PHF24: variants seen among roughly 807,000 people sequenced by gnomAD.
The protein encoded by PHF24 is PHD finger protein 24.
Under a neutral mutation model 42.6 loss-of-function variants are expected in PHF24, and 25 were observed. That is an observed-to-expected ratio of 0.59 (90% CI 0.43 to 0.82). The LOEUF (loss-of-function observed/expected upper bound fraction) is 0.82, where lower values mean the gene tolerates loss of function less well. Among genes scored for constraint, PHF24 ranks in the 40% least tolerant of loss-of-function variants. The pLI is 0.00. For synonymous variants in PHF24, 185 were observed against 204.8 expected, an observed-to-expected ratio of 0.90 and a Z score of 0.83; for missense variants, 470 against 538.1, an observed-to-expected ratio of 0.87 and a Z score of 1.25.
the PHF24 span, among the ~76,000 whole-genome samples, chr9:34,840,036 A>G: frequency 1.3e-5 from 2 of 152,216 alleles, no homozygotes; most frequent in Admixed American, 6.5e-5. Flanking sequence ...TAAAAAATGC[A>G]GTCTATCTTT....
chr9:34,810,148 C>T, the PHF24 span, among the ~76,000 whole-genome samples: 10 of 152,102 alleles, frequency 6.6e-5, no homozygotes, highest in South Asian at 2.1e-3. Flanking sequence ...CCGCCGGCCC[C>T]GGACGGCCCC....
At chr9:34,829,312 G>A in the PHF24 span, among the ~76,000 whole-genome samples, 34 of 152,106 alleles carry the variant, frequency 2.2e-4, no homozygotes, top group Non-Finnish European at 4.7e-4. Flanking sequence ...GCAGGGAATC[G>A]AGAGTTCATT....
chr9:34,936,259 C>T, the PHF24 span, among the ~76,000 whole-genome samples: 6 of 152,156 alleles, frequency 3.9e-5, no homozygotes, highest in Non-Finnish European at 5.9e-5. Context: ...TTGGTGGAGA[C>T]GGGGTTTCGC....
the PHF24 span, among the ~76,000 whole-genome samples, chr9:34,783,909 G>A: frequency 5.3e-5 from 8 of 152,088 alleles, no homozygotes; most frequent in Non-Finnish European, 1.0e-4. Flanking sequence ...TAATTTTTAG[G>A]TATCATTAAA....
the PHF24 span, chr9:34,709,324 C>T: frequency 6.3e-5 from 99 of 1,572,270 alleles, no homozygotes; most frequent in Admixed American, 1.9e-5. Flanking sequence ...CTCCTTCTTG[C>T]ATCTTGGGTT....
the PHF24 span, chr9:34,922,661 TCA>T: frequency 8.4e-6 from 10 of 1,194,882 alleles, no homozygotes. Context: ...TAGCTAGGTC[TCA>T]GTTTTCTCTC....
intron 1 of PHF24, among the ~76,000 whole-genome samples, chr9:34,967,412 A>T (rs557927911): frequency 2.0e-5 from 3 of 152,342 alleles, no homozygotes; most frequent in African/African-American, 7.2e-5. Context: ...CTTCAGTTGC[A>T]GATCTATAAA....
the PHF24 span, among the ~76,000 whole-genome samples, chr9:34,865,159 A>AAT: frequency 1.8e-4 from 27 of 150,392 alleles, no homozygotes; most frequent in African/African-American, 6.6e-4. Flanking sequence ...AAAAAAAAAA[A>AAT]GCAGAGGGAC....
rs764646246 is a variant in PHF24 at position 34,971,601 on chromosome 9, C to T, written c.303C>T (p.Pro101=). 3 of 1,613,940 alleles carry T rather than the reference C, an allele frequency of 1.9e-6. No individual in the cohort carries two copies. The African/African-American group carries it at 4.0e-5, about 22-fold the overall frequency. ...TTGACAGGACAAGTCGATTCACACC[C>T]CCTGCGTTCATCCGCCCCACCCGGA... The change falls in exon 2 of 8, where the codon CCC becomes CCT. Residue 101 remains proline, a synonymous_variant. Transcript: ENST00000242315.
At chr9:34,682,136 G>A in the PHF24 span, among the ~76,000 whole-genome samples, 2 of 150,874 alleles carry the variant, frequency 1.3e-5, no homozygotes, top group African/African-American at 2.4e-5. Context: ...CACCACACCC[G>A]GCTAATTATT....
At chr9:34,964,365 G>A (rs1301671731) in intron 1 of PHF24, among the ~76,000 whole-genome samples, 1 of 152,156 alleles carries the variant, frequency 6.6e-6, no homozygotes, top group Non-Finnish European at 1.5e-5. Context: ...GTAACATAGT[G>A]AGACCCTAGA....
the PHF24 span, among the ~76,000 whole-genome samples, chr9:34,890,789 A>T: frequency 6.6e-6 from 1 of 152,294 alleles, no homozygotes; most frequent in South Asian, 2.1e-4. Context: ...GTAGAAATTT[A>T]GTTTGGCCAA....
At chr9:34,921,461 A>T in the PHF24 span, among the ~76,000 whole-genome samples, 7 of 152,230 alleles carry the variant, frequency 4.6e-5, no homozygotes, top group Non-Finnish European at 1.0e-4. Context: ...ATACCAAGCA[A>T]TTCATTTTCC....
At chr9:34,709,933 T>C in the PHF24 span, 1 of 1,614,126 alleles carries the variant, frequency 6.2e-7, no homozygotes, top group Non-Finnish European at 8.5e-7. Flanking sequence ...CAGGGGCTGC[T>C]GGCAAGCTCC....
At chr9:34,814,232 G>A in the PHF24 span, among the ~76,000 whole-genome samples, 1 of 152,098 alleles carries the variant, frequency 6.6e-6, no homozygotes. Context: ...CTAGCACAAG[G>A]AAAGCCAATT....
the PHF24 span, among the ~76,000 whole-genome samples, chr9:34,707,667 T>C: frequency 6.6e-6 from 1 of 152,144 alleles, no homozygotes; most frequent in Admixed American, 6.5e-5. Context: ...GAAGGAAAAG[T>C]TGATGGAGCA....
the PHF24 span, among the ~76,000 whole-genome samples, chr9:34,879,981 A>G: frequency 1.1e-4 from 17 of 152,382 alleles, no homozygotes; most frequent in African/African-American, 3.8e-4. Flanking sequence ...AGGGAAGCCC[A>G]TCAGACTAAC....
the PHF24 span, chr9:34,922,522 C>T: frequency 1.3e-5 from 14 of 1,076,142 alleles, no homozygotes; most frequent in East Asian, 4.7e-5. Flanking sequence ...TCATCACCAG[C>T]GGCAACCTCA....
At chr9:34,772,432 A>G in the PHF24 span, among the ~76,000 whole-genome samples, 4 of 152,230 alleles carry the variant, frequency 2.6e-5, no homozygotes, top group Non-Finnish European at 5.9e-5. Context: ...TTTGAACCTA[A>G]AAGGCTAAGG....
Sources: gnomAD v4.1 joint callset for allele counts (sites outside exome capture counted in the v4.1 genomes callset) on GRCh38, gnomAD v4.1.1 for gene constraint, MANE v1.5 for transcripts, NCBI Gene and HGNC (gene_info 2026-07-23, HGNC 2026-07-21) for gene names.